Variants in GTF2E1 observed in about 807,000 individuals in gnomAD.
GTF2E1 encodes TFIIE alpha subunit.
Under a neutral mutation model 34.9 loss-of-function variants are expected in GTF2E1, and 14 were observed. The observed-to-expected ratio is 0.40, with a 90% CI of 0.27 to 0.63. The LOEUF (loss-of-function observed/expected upper bound fraction) is 0.63, where lower values mean the gene tolerates loss of function less well. Ranked by LOEUF, GTF2E1 falls within the 20% of genes least tolerant of loss-of-function variation. The pLI is 0.39. For synonymous variants in GTF2E1, 188 were observed against 192.9 expected (o/e 0.97, Z 0.21); for missense variants, 469 against 557.7 (o/e 0.84, Z 1.60).
At chr3:120,772,154 C>T (rs1249694790) in intron 3 of GTF2E1, among the ~76,000 whole-genome samples, 1 of 152,126 alleles carries the variant, frequency 6.6e-6, no homozygotes, top group Non-Finnish European at 1.5e-5. Flanking sequence ...ACCGTCCCTT[C>T]CTTGTGTCCT....
intron 3 of GTF2E1, among the ~76,000 whole-genome samples, chr3:120,771,245 G>A (rs549714105): frequency 1.1e-3 from 165 of 152,152 alleles, no homozygotes; most frequent in African/African-American, 3.9e-3. Flanking sequence ...GTGCCGCTTG[G>A]GGATATTTGA....
chr3:120,745,576 G>A (rs1709098162), intron 1 of GTF2E1, among the ~76,000 whole-genome samples: 1 of 152,128 alleles, frequency 6.6e-6, no homozygotes, highest in South Asian at 2.1e-4. Context: ...TTCTTAAAAC[G>A]TTCCCTAGAT....
chr3:120,742,839 C>T (rs1183823742), intron 1 of GTF2E1, 45 bp downstream of exon 1: 1 of 367,322 alleles, frequency 2.7e-6, no homozygotes, highest in African/African-American at 2.1e-5. Context: ...CCTGGCCGGG[C>T]ATTGCATTTC....
intron 4 of GTF2E1, 115 bp downstream of exon 4, chr3:120,776,779 A>G (rs963471386): frequency 5.8e-6 from 5 of 863,106 alleles, no homozygotes; most frequent in Non-Finnish European, 7.1e-6. Context: ...AATTAATTGC[A>G]TTATATTAGG....
At chr3:120,744,845 C>T (rs889458802) in intron 1 of GTF2E1, among the ~76,000 whole-genome samples, 2 of 152,120 alleles carry the variant, frequency 1.3e-5, no homozygotes, top group Admixed American at 1.3e-4. Context: ...AACTCTTATG[C>T]CAGCCCTGAA....
At chr3:120,777,282 A>T (rs180791561) in intron 4 of GTF2E1, among the ~76,000 whole-genome samples, 2 of 152,342 alleles carry the variant, frequency 1.3e-5, no homozygotes, top group Non-Finnish European at 2.9e-5. Flanking sequence ...AAGTTACTGC[A>T]TTCAAGACTT....
At chr3:120,778,034 T>C (rs1214407015) in intron 4 of GTF2E1, among the ~76,000 whole-genome samples, 3 of 152,186 alleles carry the variant, frequency 2.0e-5, no homozygotes, top group Non-Finnish European at 2.9e-5. Context: ...TGTTGTGTTA[T>C]TTAGATTGAA....
rs372565299 is a variant in GTF2E1 at position 120,762,066 on chromosome 3, AG to A, written c.449-8660del. Among the ~76,000 whole-genome samples the A allele has an allele frequency of 7.9e-4, 121 of 152,298 alleles. 1 individual carries two copies. The highest frequency in any genetic ancestry group is 2.8e-3 in the African/African-American group (117 of 41,572). On this transcript the variant is annotated intron_variant, in intron 2 of 4. Coordinates refer to ENST00000283875, the MANE Select transcript of GTF2E1 (RefSeq NM_005513.3). ...TGACCTCCCAAAGTGCTGGGATTAC[AG>A]GCATGAGCTACCGCGCCTGGCCAAT...
In GTF2E1 at chr3:120,782,864, G is replaced by A. The variant is rs546548482; in HGVS notation, c.*1394G>A. ...TATGTAGCATGGTATTTTCCCTAAG[G>A]CAGAACTTTAAAAATAAAGAACTTT... On this transcript the variant is annotated 3_prime_UTR_variant, in exon 5 of 5. Coordinates refer to ENST00000283875, the MANE Select transcript of GTF2E1 (RefSeq NM_005513.3). The A allele has an allele frequency of 1.3e-5, 2 of 152,260 alleles. No homozygotes were observed. Among genetic ancestry groups the A allele is most frequent in the Admixed American group, 6.5e-5 (1 of 15,288 alleles). The allele number at this position is 152,260 out of a possible 1,614,324, so 9.4% of individuals were successfully genotyped here. A position where few individuals can be genotyped will look rare whatever the true frequency, so the allele number is the denominator to read the frequency against.
At chr3:120,748,731 T>C (rs1709133263) in intron 1 of GTF2E1, among the ~76,000 whole-genome samples, 1 of 152,212 alleles carries the variant, frequency 6.6e-6, no homozygotes, top group South Asian at 2.1e-4. Flanking sequence ...CTTGGCAGTG[T>C]GGGCTCTTTT....
rs1709448800 is a variant in GTF2E1 at position 120,781,612 on chromosome 3, GTTTGAC to G, written c.*146_*151del. 1.5e-6 allele frequency: 1 copy of G among 669,630 alleles called. No individual in the cohort carries two copies. Among genetic ancestry groups the G allele is most frequent in the Non-Finnish European group, 2.5e-6 (1 of 396,180 alleles). 41.5% of individuals were successfully genotyped at this position (669,630 alleles called of 1,614,324 possible). ...CTTGTGCAAAGATTGATGGTAGAGA[GTTTGAC>G]TTTTATGCCAGAAACTTTCCCAGCA... is the stretch of plus-strand genomic sequence containing the variant. On this transcript the variant is annotated 3_prime_UTR_variant, in exon 5 of 5. Transcript: ENST00000283875.
rs1325094639 is a variant in GTF2E1 at position 120,750,983 on chromosome 3, T to A, written c.431T>A (p.Leu144His). 6.2e-7 allele frequency: 1 copy of A among 1,610,814 alleles called. No homozygotes were observed. Among genetic ancestry groups the A allele is most frequent in the Middle Eastern group, 1.7e-4 (1 of 6,054 alleles). Residue 144 changes from leucine to histidine, a missense_variant, in exon 2 of 5, where the codon CTC (leucine) becomes CAC (histidine). Coordinates refer to ENST00000283875, the MANE Select transcript of GTF2E1 (RefSeq NM_005513.3). ...TTCACAGACTTAGAAGCTAATCAGC[T>A]CTTTGATCCTATGACAGGTGAGGTT... The part of the protein sequence containing the change: ...STFTDLEANQ[L>H]FDPMTGTFRC...
At chr3:120,742,852 G>A in intron 1 of GTF2E1, 58 bp downstream of exon 1, 1 of 348,128 alleles carries the variant, frequency 2.9e-6, no homozygotes, top group Admixed American at 4.4e-5. Flanking sequence ...TGCATTTCAT[G>A]ATTTCTTCTT....
intron 4 of GTF2E1, among the ~76,000 whole-genome samples, chr3:120,778,987 A>G (rs975974163): frequency 2.0e-5 from 3 of 152,144 alleles, no homozygotes; most frequent in African/African-American, 7.2e-5. Context: ...ACAATTGCTT[A>G]GCATCAATTC....
In GTF2E1 at chr3:120,770,870, G is replaced by A; in HGVS notation, c.591G>A (p.Val197=). ...IYALLRETED[V]NLAYEILEPE... ...CATTGCTTCGGGAGACAGAGGATGT[G>A]AACTTGGCCTATGAAATACTTGAGC... Residue 197 remains valine (V), a synonymous_variant, in exon 3 of 5, where the codon GTG becomes GTA. Coordinates refer to ENST00000283875, the MANE Select transcript of GTF2E1 (RefSeq NM_005513.3). 6.2e-7 allele frequency: 1 copy of A among 1,613,640 alleles called. No individual in the cohort carries two copies. The highest frequency in any genetic ancestry group is 8.5e-7 in the Non-Finnish European group (1 of 1,179,638).
chr3:120,743,188 G>A (rs1709072107), intron 1 of GTF2E1, among the ~76,000 whole-genome samples: 1 of 152,248 alleles, frequency 6.6e-6, no homozygotes, highest in South Asian at 2.1e-4. Flanking sequence ...ACCGCAGTTA[G>A]ATGTGTAGAA....
chr3:120,760,014 A>G (rs1709246005), intron 2 of GTF2E1, among the ~76,000 whole-genome samples: 3 of 152,216 alleles, frequency 2.0e-5, no homozygotes, highest in South Asian at 4.1e-4. Context: ...CATTGAATCT[A>G]TAAATTACCT....
intron 2 of GTF2E1, among the ~76,000 whole-genome samples, chr3:120,763,290 A>G (rs1709280296): frequency 6.6e-6 from 1 of 152,040 alleles, no homozygotes; most frequent in African/African-American, 2.4e-5. Context: ...CCCATATTGT[A>G]CCTTTTTTCC....
chr3:120,750,511 T>G lies in GTF2E1; in HGVS notation c.-30-12T>G. On this transcript the variant is annotated splice_polypyrimidine_tract_variant and intron_variant, in intron 1 of 4. Transcript: ENST00000283875. ...TATACCTGGCTAATTTTCTGTTTTT[T>G]TTTGAATTCAGTATATTTAAAGTTG... The G allele has an allele frequency of 6.6e-7, 1 of 1,505,808 alleles. No individual in the cohort carries two copies. The allele number at this position is 1,505,808 out of a possible 1,614,324, so 93.3% of individuals were successfully genotyped here. A position where few individuals can be genotyped will look rare whatever the true frequency, so the allele number is the denominator to read the frequency against.
Sources: gnomAD v4.1 joint callset for allele counts (sites outside exome capture counted in the v4.1 genomes callset) on GRCh38, gnomAD v4.1.1 for gene constraint, MANE v1.5 for transcripts, NCBI Gene and HGNC (gene_info 2026-07-23, HGNC 2026-07-21) for gene names.